ACYP1: variants seen among roughly 807,000 people sequenced by gnomAD.
The protein encoded by ACYP1 is acylphosphatase-1.
ACYP1 carries 8 observed loss-of-function variants against 10.4 expected under a neutral mutation model. The ratio of observed to expected loss-of-function variants is 0.77; its 90% CI spans 0.45 to 1.38. The LOEUF is 1.38. Among genes scored for constraint, ACYP1 ranks in the 40% most tolerant of loss-of-function variants. ACYP1 has a pLI of 0.00. For synonymous variants in ACYP1, 38 were observed against 40.8 expected, an observed-to-expected ratio of 0.93 and a Z score of 0.26; for missense variants, 93 against 117.3, an observed-to-expected ratio of 0.79 and a Z score of 0.96.
rs1370543509 is a variant in ACYP1 at position 75,053,254 on chromosome 14, CG to C, written c.*189del. ...AAGTACTCTAAGCAGAAGGTTCTAA[CG>C]TTTTTATTGATTAGATTTGTGTACA... On this transcript the variant is annotated 3_prime_UTR_variant, in exon 3 of 3. Transcript: ENST00000238618. 1.7e-6 allele frequency: 1 copy of C among 602,274 alleles called. No homozygotes were observed. The highest frequency in any genetic ancestry group is 2.9e-6 in the Non-Finnish European group (1 of 349,164). The allele number at this position is 602,274 out of a possible 1,614,324, so 37.3% of individuals were successfully genotyped here.
intron 2 of ACYP1, among the ~76,000 whole-genome samples, chr14:75,057,348 G>A (rs1444811309): frequency 6.6e-6 from 1 of 151,440 alleles, no homozygotes; most frequent in African/African-American, 2.4e-5. Context: ...AGAAATTAAA[G>A]AGTATCTAAA....
chr14:75,067,538 G>A (rs1893163084), upstream of ACYP1, among the ~76,000 whole-genome samples: 1 of 152,212 alleles, frequency 6.6e-6, no homozygotes, highest in African/African-American at 2.4e-5. Flanking sequence ...GGCAGCAAAT[G>A]TGGAGATTTC....
At chr14:75,060,912 C>G (rs1892997875) in intron 2 of ACYP1, among the ~76,000 whole-genome samples, 1 of 152,104 alleles carries the variant, frequency 6.6e-6, no homozygotes, top group South Asian at 2.1e-4. Context: ...ACTAAAAATA[C>G]AAAAGTTAAC....
chr14:75,066,102 T>C (rs971847051), upstream of ACYP1, among the ~76,000 whole-genome samples: 11 of 152,200 alleles, frequency 7.2e-5, no homozygotes, highest in Admixed American at 2.6e-4. Flanking sequence ...CAGTCAGGGA[T>C]GAGACTCACT....
At chr14:75,058,043 T>A (rs571027394) in intron 2 of ACYP1, among the ~76,000 whole-genome samples, 1 of 147,964 alleles carries the variant, frequency 6.8e-6, no homozygotes, top group South Asian at 2.2e-4. Flanking sequence ...ATTTGACTCA[T>A]GATTCTGTAG....
At chr14:75,069,408 G>T in exon 1 of ACYP1, 2 of 846,322 alleles carry the variant, frequency 2.4e-6, no homozygotes, top group Non-Finnish European at 3.4e-6. Context: ...CTTTGAAGGA[G>T]CTCCAGAAAA....
chr14:75,069,309 C>T (rs1327101125), exon 1 of ACYP1: 1 of 1,424,236 alleles, frequency 7.0e-7, no homozygotes, highest in Non-Finnish European at 9.1e-7. Flanking sequence ...CGGAAGCACG[C>T]GGAGGCACAG....
At chr14:75,068,750 G>T (rs987629419), upstream of ACYP1, among the ~76,000 whole-genome samples, 1 of 151,884 alleles carries the variant, frequency 6.6e-6, no homozygotes. Context: ...GGTCCACCAA[G>T]GAATTTCCTT....
In ACYP1 at chr14:75,062,096, T is replaced by G. The variant is rs1893031514; in HGVS notation, c.84+1374A>C. ...AGCCTGGGCAAAAAGAATGAAACTC[T>G]GTCTCAAAAAAAAAAAAAAAAAAAA... On this transcript the variant is annotated intron_variant, in intron 2 of 2. Transcript: ENST00000238618. Among the ~76,000 whole-genome samples the G allele has an allele frequency of 9.0e-5, 4 of 44,398 alleles. No individual in the cohort carries two copies. In the South Asian group the frequency reaches 3.5e-3, roughly 39 times the overall value. 29.1% of individuals were successfully genotyped at this position (44,398 alleles called of 152,430 possible).
intron 2 of ACYP1, among the ~76,000 whole-genome samples, chr14:75,055,833 T>C (rs1323406978): frequency 6.6e-6 from 1 of 151,476 alleles, no homozygotes; most frequent in Non-Finnish European, 1.5e-5. Context: ...AAACAAAAGT[T>C]GCTTCTTTGA....
chr14:75,053,655 T>G lies in ACYP1; in HGVS notation c.89A>C (p.Glu30Ala), dbSNP rs61751188. 36 of 1,613,866 alleles carry G rather than the reference T, an allele frequency of 2.2e-5. No individual in the cohort carries two copies. The highest frequency in any genetic ancestry group is 4.0e-5 in the African/African-American group (3 of 74,882). The change falls in exon 3 of 3, where the codon GAG becomes GCG. Residue 30 changes from glutamate (E) to alanine (A), a missense_variant. Coordinates refer to ENST00000238618, the MANE Select transcript of ACYP1 (RefSeq NM_001107.5). ...GVFFRKHTQAEGKKLGLVGWV... is the reference protein window; with the variant it reads ...GVFFRKHTQAAGKKLGLVGWV... ...GCCTACCAATCCCAGCTTTTTACCC[T>G]CAGCCTAAGGGGGGTAAAAAGAGAG... is the stretch of plus-strand genomic sequence containing the variant.
chr14:75,068,811 C>T (rs1381231438), upstream of ACYP1, among the ~76,000 whole-genome samples: 1 of 151,992 alleles, frequency 6.6e-6, no homozygotes, highest in Non-Finnish European at 1.5e-5. Flanking sequence ...ACACTGATGA[C>T]TGCTGTCTAC....
intron 2 of ACYP1, among the ~76,000 whole-genome samples, chr14:75,054,124 A>C (rs1287037230): frequency 6.6e-6 from 1 of 152,230 alleles, no homozygotes; most frequent in African/African-American, 2.4e-5. Flanking sequence ...CAGATGAATT[A>C]GTGTTCATTA....
chr14:75,069,133 C>A (rs540869795), intron 1 of ACYP1: 9 of 1,361,910 alleles, frequency 6.6e-6, no homozygotes, highest in Non-Finnish European at 8.9e-6. Context: ...CGGAAAGATA[C>A]TGCGTAGCAA....
At chr14:75,056,921 G>A (rs1892891052) in intron 2 of ACYP1, among the ~76,000 whole-genome samples, 1 of 151,544 alleles carries the variant, frequency 6.6e-6, no homozygotes, top group South Asian at 2.1e-4. Context: ...ATACTTAATG[G>A]TGAAAGATTA....
chr14:75,066,685 C>G (rs961569224), upstream of ACYP1, among the ~76,000 whole-genome samples: 1 of 152,122 alleles, frequency 6.6e-6, no homozygotes, highest in Non-Finnish European at 1.5e-5. Context: ...AACCCCATCT[C>G]TACTAAAAAT....
upstream of ACYP1, among the ~76,000 whole-genome samples, chr14:75,065,996 T>G (rs954321513): frequency 4.6e-5 from 7 of 152,224 alleles, no homozygotes; most frequent in African/African-American, 1.7e-4. Flanking sequence ...AGGGGTTTGC[T>G]ACCCTGCTTG....
At chr14:75,066,067 T>C (rs910089798), upstream of ACYP1, among the ~76,000 whole-genome samples, 10 of 152,198 alleles carry the variant, frequency 6.6e-5, no homozygotes, top group African/African-American at 2.4e-4. Context: ...CCCCTAGATA[T>C]TGCTTTCCAA....
At chr14:75,064,067 C>G (rs908138856), upstream of ACYP1, 2 of 985,164 alleles carry the variant, frequency 2.0e-6, no homozygotes, top group African/African-American at 3.5e-5. Flanking sequence ...TGCTCCTTCG[C>G]TGTCGCTCAT....
Sources: allele counts gnomAD v4.1 joint callset (sites outside exome capture counted in the v4.1 genomes callset), GRCh38; gene constraint gnomAD v4.1.1; transcripts MANE v1.5; gene names NCBI Gene and HGNC (gene_info 2026-07-23, HGNC 2026-07-21).